Variants in FHOD3 observed in about 807,000 individuals in gnomAD.
FHOD3 encodes FH1/FH2 domain-containing protein 3.
FHOD3 carries 90 observed loss-of-function variants against 173.0 expected under a neutral mutation model. The ratio of observed to expected loss-of-function variants is 0.52; its 90% CI spans 0.44 to 0.62. FHOD3 has a LOEUF of 0.62. FHOD3 is among the 20% of genes least tolerant of loss of function. The pLI is 0.00. For synonymous variants in FHOD3, 828 were observed against 823.0 expected (o/e 1.01, Z -0.10); for missense variants, 1,945 against 2,034.7 (o/e 0.96, Z 0.85).
At chr18:36,556,879 C>A (rs1039287707) in intron 5 of FHOD3, among the ~76,000 whole-genome samples, 2 of 152,082 alleles carry the variant, frequency 1.3e-5, no homozygotes, top group African/African-American at 4.8e-5. Context: ...AATTATTTTA[C>A]CTTTGTGTAT....
chr18:36,417,462 T>G (rs1398366019), intron 3 of FHOD3, among the ~76,000 whole-genome samples: 1 of 152,226 alleles, frequency 6.6e-6, no homozygotes, highest in Admixed American at 6.5e-5. Context: ...CTTTATCCAG[T>G]CTATCATTCA....
chr18:36,329,542 G>A (rs2044871296), intron 1 of FHOD3, among the ~76,000 whole-genome samples: 1 of 152,188 alleles, frequency 6.6e-6, no homozygotes, highest in Admixed American at 6.5e-5. Flanking sequence ...AGGTGTTGGG[G>A]TATAGTCACA....
intron 28 of FHOD3, among the ~76,000 whole-genome samples, chr18:36,775,309 A>G (rs2043578314): frequency 6.6e-6 from 1 of 152,276 alleles, no homozygotes; most frequent in Admixed American, 6.5e-5. Context: ...GAAAGCGCAC[A>G]GATGGATTTC....
At chr18:36,706,634 A>G (rs1239112880) in intron 17 of FHOD3, among the ~76,000 whole-genome samples, 2 of 152,228 alleles carry the variant, frequency 1.3e-5, no homozygotes, top group Non-Finnish European at 2.9e-5. Flanking sequence ...GCACACCCGC[A>G]GGCTGAAGTC....
intron 5 of FHOD3, among the ~76,000 whole-genome samples, chr18:36,545,163 C>A (rs904982300): frequency 1.3e-5 from 2 of 152,154 alleles, no homozygotes; most frequent in Non-Finnish European, 2.9e-5. Context: ...TGATTTAAGT[C>A]AACAAAAATT....
intron 3 of FHOD3, among the ~76,000 whole-genome samples, chr18:36,384,643 T>C (rs1256425173): frequency 1.3e-5 from 2 of 151,880 alleles, no homozygotes; most frequent in Admixed American, 6.6e-5. Context: ...AAGTCATATA[T>C]TGAGTATTGA....
chr18:36,585,995 T>C (rs1414534315), intron 6 of FHOD3, among the ~76,000 whole-genome samples: 1 of 152,156 alleles, frequency 6.6e-6, no homozygotes, highest in Non-Finnish European at 1.5e-5. Flanking sequence ...CTAGCCCCCA[T>C]CTGCCAGCCC....
intron 3 of FHOD3, among the ~76,000 whole-genome samples, chr18:36,429,801 A>T (rs541257264): frequency 6.6e-6 from 1 of 152,262 alleles, no homozygotes; most frequent in East Asian, 1.9e-4. Context: ...AGAAGATAGC[A>T]TGAAACTGCT....
chr18:36,442,176 C>T (rs959060920), intron 3 of FHOD3, among the ~76,000 whole-genome samples: 1 of 152,178 alleles, frequency 6.6e-6, no homozygotes, highest in African/African-American at 2.4e-5. Context: ...TCCCTTTCCC[C>T]ATTGCTCTGT....
rs759230327 is a variant in FHOD3, at chr18:36,658,125, G to T, written c.1772G>T (p.Gly591Val). ...TATCACTCCTCAAGACCCTCATCTG[G>T]ATCCAGTGTGCCCACCACCCCCACA... is the stretch of plus-strand genomic sequence containing the variant. The part of the protein sequence containing the change: ...NSYHSSRPSS[G>V]SSVPTTPTSS... Residue 591 changes from glycine (G) to valine (V), a missense_variant, in exon 14 of 29, where the codon GGA (glycine) becomes GTA (valine). Around this residue, in one of 5 missense-constraint regions of FHOD3, gnomAD observed 1,099 missense variants for 1,051.2 expected, o/e 1.05. Coordinates refer to ENST00000590592, the MANE Select transcript of FHOD3 (RefSeq NM_001281740.3). The T allele has an allele frequency of 1.3e-6, 2 of 1,598,980 alleles. No individual in the cohort carries two copies. The highest frequency in any genetic ancestry group is 1.7e-6 in the Non-Finnish European group (2 of 1,174,184).
chr18:36,766,573 A>T (rs2043146793), intron 27 of FHOD3, among the ~76,000 whole-genome samples: 2 of 152,194 alleles, frequency 1.3e-5, no homozygotes, highest in Non-Finnish European at 2.9e-5. Flanking sequence ...TGTATACATG[A>T]CTAGGAAGAA....
chr18:36,665,649 G>T (rs1600153870), intron 14 of FHOD3, among the ~76,000 whole-genome samples: 1 of 152,208 alleles, frequency 6.6e-6, no homozygotes, highest in Non-Finnish European at 1.5e-5. Context: ...TCAAAACAGG[G>T]TTTTGCAAAT....
In FHOD3 at chr18:36,422,028, G is replaced by T. The variant is rs1355578215; in HGVS notation, c.337+49284G>T. Among the ~76,000 whole-genome samples the T allele has an allele frequency of 2.0e-5, 3 of 152,078 alleles. No homozygotes were observed. The East Asian group carries it at 5.8e-4, about 29-fold the overall frequency. On this transcript the variant is annotated intron_variant, in intron 3 of 28. Transcript: ENST00000590592. Reference sequence around the variant, plus strand: ...ACTCCATATTTAATTTTTTTGAAAAGGTGGCACATTCACATGGTTGCAACT... The same window carrying T: ...ACTCCATATTTAATTTTTTTGAAAATGTGGCACATTCACATGGTTGCAACT...
intron 14 of FHOD3, among the ~76,000 whole-genome samples, chr18:36,664,945 A>G (rs2037076898): frequency 6.6e-6 from 1 of 151,778 alleles, no homozygotes; most frequent in Admixed American, 6.6e-5. Flanking sequence ...CAACAAAGAG[A>G]CCCCAGGTGT....
At chr18:36,462,525 G>A (rs1164759442) in intron 3 of FHOD3, among the ~76,000 whole-genome samples, 1 of 152,052 alleles carries the variant, frequency 6.6e-6, no homozygotes, top group African/African-American at 2.4e-5. Context: ...TAGAGATGGG[G>A]TTTCACTGTG....
intron 20 of FHOD3, among the ~76,000 whole-genome samples, chr18:36,735,323 A>T (rs2041575998): frequency 6.6e-6 from 1 of 152,208 alleles, no homozygotes; most frequent in African/African-American, 2.4e-5. Context: ...CACACAGAGG[A>T]ACCTGACCAC....
At chr18:36,608,007 A>C (rs1251132286) in intron 8 of FHOD3, among the ~76,000 whole-genome samples, 3 of 152,188 alleles carry the variant, frequency 2.0e-5, no homozygotes, top group Admixed American at 6.5e-5. Flanking sequence ...CTCCCACCAG[A>C]GTCAACCAGA....
intron 19 of FHOD3, among the ~76,000 whole-genome samples, chr18:36,723,114 C>G (rs942787033): frequency 6.6e-6 from 1 of 152,060 alleles, no homozygotes; most frequent in African/African-American, 2.4e-5. Context: ...GCCAAAAGCC[C>G]CTGGAGGGCA....
At chr18:36,503,938 T>A (rs189616363) in intron 4 of FHOD3, among the ~76,000 whole-genome samples, 84 of 152,320 alleles carry the variant, frequency 5.5e-4, no homozygotes, top group African/African-American at 2.0e-3. Context: ...ACTTATTGAT[T>A]GATTGAGATG....
Sources: gnomAD v4.1 joint callset for allele counts (sites outside exome capture counted in the v4.1 genomes callset) on GRCh38, gnomAD v4.1.1 for gene constraint, gnomAD v4.1.1 regional missense constraint, MANE v1.5 for transcripts, NCBI Gene and HGNC (gene_info 2026-07-23, HGNC 2026-07-21) for gene names.